The following IP6K1 variants were observed in gnomAD, a reference collection of about 807,000 sequenced individuals.
The protein encoded by IP6K1 is ATP:1D-myo-inositol-hexakisphosphate phosphotransferase.
Under a neutral mutation model 38.3 loss-of-function variants are expected in IP6K1, and 13 were observed. That is an observed-to-expected ratio of 0.34 (90% CI 0.22 to 0.54). The LOEUF is 0.54. Ranked by LOEUF, IP6K1 falls within the 20% of genes least tolerant of loss-of-function variation. IP6K1 has a pLI of 0.92. For synonymous variants in IP6K1, 212 were observed against 229.9 expected (o/e 0.92, Z 0.70); for missense variants, 397 against 599.8 (o/e 0.66, Z 3.53).
chr3:49,778,026 T>C (rs1018688816), intron 1 of IP6K1, among the ~76,000 whole-genome samples: 4 of 151,870 alleles, frequency 2.6e-5, no homozygotes, highest in African/African-American at 9.7e-5. Context: ...ACTTTTTTTT[T>C]TTAAGACGGG....
At chr3:49,744,465 T>C (rs1034887157) in intron 2 of IP6K1, among the ~76,000 whole-genome samples, 5 of 147,434 alleles carry the variant, frequency 3.4e-5, no homozygotes, top group East Asian at 4.1e-4. Flanking sequence ...TGTCCCTTCA[T>C]ATCCATGTAT....
chr3:49,766,003 C>T (rs1235754993), intron 1 of IP6K1, among the ~76,000 whole-genome samples: 3 of 151,796 alleles, frequency 2.0e-5, no homozygotes, highest in East Asian at 1.9e-4. Flanking sequence ...GGTGAAAGCC[C>T]GTCTCTACTA....
At chr3:49,745,838 A>C (rs1221064528) in intron 2 of IP6K1, among the ~76,000 whole-genome samples, 1 of 149,430 alleles carries the variant, frequency 6.7e-6, no homozygotes, top group Non-Finnish European at 1.5e-5. Flanking sequence ...TGGGCGACAG[A>C]GCAAGACTCT....
chr3:49,754,170 CA>C (rs1405719783), intron 1 of IP6K1, among the ~76,000 whole-genome samples: 1 of 151,256 alleles, frequency 6.6e-6, no homozygotes, highest in Non-Finnish European at 1.5e-5. Context: ...AGTTTGAGAC[CA>C]GCATAGGCAA....
At chr3:49,764,550 C>T (rs1320299102) in intron 1 of IP6K1, among the ~76,000 whole-genome samples, 1 of 151,964 alleles carries the variant, frequency 6.6e-6, no homozygotes, top group Admixed American at 6.6e-5. Flanking sequence ...ACCCCAACCC[C>T]CACACTGTAC....
chr3:49,775,080 G>T (rs958632862), intron 1 of IP6K1, among the ~76,000 whole-genome samples: 7 of 151,904 alleles, frequency 4.6e-5, no homozygotes, highest in Admixed American at 1.3e-4. Context: ...TATAACTCAT[G>T]CCTGAACAAA....
At chr3:49,778,788 G>A (rs1423829918) in intron 1 of IP6K1, among the ~76,000 whole-genome samples, 1 of 152,076 alleles carries the variant, frequency 6.6e-6, no homozygotes, top group Non-Finnish European at 1.5e-5. Flanking sequence ...ACCACGCCTG[G>A]CTAATTTTTT....
At chr3:49,781,083 CAG>C (rs1488617855) in intron 1 of IP6K1, among the ~76,000 whole-genome samples, 1 of 118,694 alleles carries the variant, frequency 8.4e-6, no homozygotes, top group Non-Finnish European at 1.8e-5. Flanking sequence ...TTTTTTGAGA[CAG>C]AGTTTCACTC....
intron 1 of IP6K1, among the ~76,000 whole-genome samples, chr3:49,764,245 G>T (rs776955222): frequency 1.3e-5 from 2 of 151,910 alleles, no homozygotes; most frequent in Non-Finnish European, 2.9e-5. Flanking sequence ...AGCCAGACAT[G>T]GTGATGCACA....
intron 1 of IP6K1, among the ~76,000 whole-genome samples, chr3:49,775,111 T>C (rs1482295121): frequency 1.3e-5 from 2 of 152,198 alleles, no homozygotes; most frequent in Non-Finnish European, 2.9e-5. Flanking sequence ...ACATTCCTTG[T>C]AAGGTAATCA....
chr3:49,726,922 T>C lies in IP6K1; in HGVS notation c.*200A>G, dbSNP rs966899074. ...GTCAGAGCCACAAAGCTGAGGAGCC[T>C]GGCTGAGAGGGCGTGTGGTCTGCCC... is the stretch of plus-strand genomic sequence containing the variant. On this transcript the variant is annotated 3_prime_UTR_variant, in exon 6 of 6. Coordinates refer to ENST00000321599, the MANE Select transcript of IP6K1 (RefSeq NM_153273.4). 1.8e-6 allele frequency: 1 copy of C among 569,522 alleles called. No individual in the cohort carries two copies. The highest frequency in any genetic ancestry group is 3.0e-6 in the Non-Finnish European group (1 of 333,004). 35.3% of individuals were successfully genotyped at this position (569,522 alleles called of 1,614,324 possible).
chr3:49,738,466 C>T (rs1290929100), intron 2 of IP6K1, 44 bp from the exon 3 acceptor site: 20 of 1,476,216 alleles, frequency 1.4e-5, no homozygotes, highest in Non-Finnish European at 1.8e-5. Context: ...CAACACAGGC[C>T]GAGTCTATGC....
intron 5 of IP6K1, 92 bp downstream of exon 5, chr3:49,728,008 CAGG>C (rs920413613): frequency 4.0e-5 from 51 of 1,288,852 alleles, no homozygotes; most frequent in Non-Finnish European, 4.9e-5. Flanking sequence ...CAGAGGGGCT[CAGG>C]AGGACACACT....
At chr3:49,767,398 G>A (rs559732119) in intron 1 of IP6K1, among the ~76,000 whole-genome samples, 8 of 152,160 alleles carry the variant, frequency 5.3e-5, no homozygotes, top group Admixed American at 1.3e-4. Flanking sequence ...GGCTAACATG[G>A]TGAAACCCCA....
In IP6K1 at chr3:49,734,126, A is replaced by G. The variant is rs2080585793; in HGVS notation, c.435-1154T>C. ...ACACTCCAGCCTGGGAAACAGATAGACCATGTCTTAAAAATAAATAAATAA... is the reference window on the plus strand; with the variant it reads ...ACACTCCAGCCTGGGAAACAGATAGGCCATGTCTTAAAAATAAATAAATAA... On this transcript the variant is annotated intron_variant, in intron 3 of 5. Coordinates refer to ENST00000321599, the MANE Select transcript of IP6K1 (RefSeq NM_153273.4). Among the ~76,000 whole-genome samples, 4 of 152,278 alleles carry G rather than the reference A, an allele frequency of 2.6e-5. No homozygotes were observed. In the South Asian group the frequency reaches 6.2e-4, roughly 24 times the overall value.
At chr3:49,745,741 G>C (rs2080714892) in intron 2 of IP6K1, among the ~76,000 whole-genome samples, 1 of 115,310 alleles carries the variant, frequency 8.7e-6, no homozygotes, top group African/African-American at 2.9e-5. Context: ...TGTAATCCCA[G>C]CTACTTGGGA....
intron 4 of IP6K1, among the ~76,000 whole-genome samples, chr3:49,730,314 G>C (rs2080551852): frequency 6.6e-6 from 1 of 152,200 alleles, no homozygotes; most frequent in South Asian, 2.1e-4. Context: ...TGAGATAACA[G>C]ATGTGGGCCA....
intron 2 of IP6K1, among the ~76,000 whole-genome samples, chr3:49,747,015 T>G (rs1180878793): frequency 6.6e-6 from 1 of 152,206 alleles, no homozygotes; most frequent in African/African-American, 2.4e-5. Context: ...CACTAAATTA[T>G]ACACTTTAAA....
chr3:49,767,594 TAATAAC>T (rs2080922975), intron 1 of IP6K1, among the ~76,000 whole-genome samples: 1 of 134,434 alleles, frequency 7.4e-6, no homozygotes, highest in Non-Finnish European at 1.7e-5. Context: ...ATAATAATAA[TAATAAC>T]AACAACTTAA....
Sources: allele counts gnomAD v4.1 joint callset (sites outside exome capture counted in the v4.1 genomes callset), GRCh38; gene constraint gnomAD v4.1.1; transcripts MANE v1.5; gene names NCBI Gene and HGNC (gene_info 2026-07-23, HGNC 2026-07-21).